The following IL36B variants were observed in gnomAD, a reference collection of about 807,000 sequenced individuals.
The protein encoded by IL36B is interleukin 36 beta, also known as interleukin-36 beta.
In IL36B, 23 loss-of-function variants were observed where a neutral mutation model predicts 19.3. That is an observed-to-expected ratio of 1.19 (90% CI 0.86 to 1.69). IL36B has a LOEUF of 1.69. Ranked by LOEUF, IL36B falls within the 40% of genes most tolerant of loss-of-function variation. The pLI is 0.00. For missense variants in IL36B, 217 were observed against 200.5 expected, an observed-to-expected ratio of 1.08 and a Z score of -0.50; for synonymous variants, 59 against 59.7, an observed-to-expected ratio of 0.99 and a Z score of 0.05.
At chr2:113,040,496 C>T (rs756598899) in intron 1 of IL36B, among the ~76,000 whole-genome samples, 3 of 152,084 alleles carry the variant, frequency 2.0e-5, no homozygotes, top group Non-Finnish European at 4.4e-5. Context: ...TATAGAAAAT[C>T]CTAAGAAATC....
At chr2:113,039,010 T>C (rs1380551762) in intron 1 of IL36B, among the ~76,000 whole-genome samples, 1 of 152,162 alleles carries the variant, frequency 6.6e-6, no homozygotes, top group African/African-American at 2.4e-5. Context: ...TGAAGGCAAG[T>C]CGTCGTGGGT....
At chr2:113,027,832 T>C in intron 4 of IL36B, 1 of 1,579,114 alleles carries the variant, frequency 6.3e-7, no homozygotes, top group East Asian at 2.3e-5. Flanking sequence ...AGTCGCATAA[T>C]GATCTGTTAA....
rs185267496 is a variant in IL36B at position 113,046,236 on chromosome 2, G to A, written c.-58+6581C>T. Among the ~76,000 whole-genome samples, 832 of 140,790 alleles carry A rather than the reference G, an allele frequency of 5.9e-3. 8 individuals are homozygous for A. The highest frequency in any genetic ancestry group is 0.022 in the African/African-American group (777 of 35,988). The allele number at this position is 140,790 out of a possible 152,430, so 92.4% of individuals were successfully genotyped here. A position where few individuals can be genotyped will look rare whatever the true frequency, so the allele number is the denominator to read the frequency against. The stretch of plus-strand genomic sequence containing the variant: ...TTTTTTTTTTTTTTTTTGAGACGGA[G>A]TCTGGCTCTGTCACCCAGGCTGGAG... On this transcript the variant is annotated intron_variant, in intron 1 of 5. Coordinates refer to ENST00000259213, the MANE Select transcript of IL36B (RefSeq NM_014438.5).
At chr2:113,028,901 A>G in intron 4 of IL36B, 38 bp downstream of exon 4, 1 of 1,601,920 alleles carries the variant, frequency 6.2e-7, no homozygotes, top group Non-Finnish European at 8.5e-7. Flanking sequence ...GAAAGTCCAT[A>G]TGACAGTACT....
chr2:113,032,592 T>G (rs1490670085), intron 1 of IL36B, among the ~76,000 whole-genome samples: 1 of 152,126 alleles, frequency 6.6e-6, no homozygotes, highest in African/African-American at 2.4e-5. Flanking sequence ...CAGAGGCACT[T>G]CGAGGCTAAA....
At chr2:113,024,528 T>C (rs1684918246) in intron 5 of IL36B, among the ~76,000 whole-genome samples, 1 of 152,178 alleles carries the variant, frequency 6.6e-6, no homozygotes, top group Non-Finnish European at 1.5e-5. Flanking sequence ...CTCCTGTGGT[T>C]CTTAGATTTA....
chr2:113,030,523 G>A (rs17042709), intron 3 of IL36B, among the ~76,000 whole-genome samples: 22,845 of 152,210 alleles, frequency 0.15, 1,889 homozygotes, highest in East Asian at 0.25. Flanking sequence ...GACAATGATA[G>A]AAAGGGTCCA....
intron 1 of IL36B, among the ~76,000 whole-genome samples, chr2:113,035,756 T>C (rs952534758): frequency 6.6e-6 from 1 of 152,098 alleles, no homozygotes; most frequent in African/African-American, 2.4e-5. Flanking sequence ...CCAAGAGTCA[T>C]GGAATAATGG....
chr2:113,047,124 G>A (rs1280629342), intron 1 of IL36B, among the ~76,000 whole-genome samples: 4 of 152,176 alleles, frequency 2.6e-5, no homozygotes, highest in Admixed American at 2.6e-4. Flanking sequence ...GCCATTGGAA[G>A]CACTTTTATT....
In IL36B at chr2:113,031,754, GGTGGT is replaced by G; in HGVS notation, c.-50_-46del. The G allele has an allele frequency of 6.5e-7, 1 of 1,532,860 alleles. No homozygotes were observed. The highest frequency in any genetic ancestry group is 1.7e-5 in the Admixed American group (1 of 59,620). The allele number at this position is 1,532,860 out of a possible 1,614,324, so 95.0% of individuals were successfully genotyped here. ...GTGAAGAGAACAAGATAGATCAGAT[GGTGGT>G]GAGGAGGCTGTTAACAGTTGGCCAT... On this transcript the variant is annotated 5_prime_UTR_variant, in exon 2 of 6. Coordinates refer to ENST00000259213, the MANE Select transcript of IL36B (RefSeq NM_014438.5).
At chr2:113,031,193 T>A (rs1685068617) in intron 2 of IL36B, 38 bp from the exon 3 acceptor site, 1 of 1,426,506 alleles carries the variant, frequency 7.0e-7, no homozygotes, top group Non-Finnish European at 9.9e-7. Context: ...ACACGTGAGG[T>A]TATCAACTTC....
chr2:113,029,028 T>C lies in IL36B; in HGVS notation c.172A>G (p.Lys58Glu). 6.2e-7 allele frequency: 1 copy of C among 1,613,938 alleles called. No individual in the cohort carries two copies. Among genetic ancestry groups the C allele is most frequent in the South Asian group, 1.1e-5 (1 of 91,046 alleles). The change falls in exon 4 of 6, where the codon AAG (lysine) becomes GAG (glutamate). Residue 58 changes from lysine (K) to glutamate (E), a missense_variant. Coordinates refer to ENST00000259213, the MANE Select transcript of IL36B (RefSeq NM_014438.5). Reference sequence around the variant, plus strand: ...ATTCCCAGGTAAACCATATTACCCTTTTCCTTGTCACTGAATTCTGTGTCT... The same window carrying C: ...ATTCCCAGGTAAACCATATTACCCTCTTCCTTGTCACTGAATTCTGTGTCT...
In IL36B at chr2:113,022,654, G is replaced by A. The variant is rs1286397103; in HGVS notation, c.*20C>T. 1 of 1,429,354 alleles carries A rather than the reference G, an allele frequency of 7.0e-7. No individual in the cohort carries two copies. Among genetic ancestry groups the A allele is most frequent in the South Asian group, 1.1e-5 (1 of 87,250 alleles). The allele number at this position is 1,429,354 out of a possible 1,614,324, so 88.5% of individuals were successfully genotyped here. On this transcript the variant is annotated 3_prime_UTR_variant, in exon 6 of 6. Transcript: ENST00000259213. ...ACCCACTCAAAGATTGTAGAGATGG[G>A]AATCTTCCTCCCCTTATTTCTACAT...
chr2:113,028,973 G>A lies in IL36B; in HGVS notation c.227C>T (p.Ala76Val). Residue 76 changes from alanine (A) to valine (V), a missense_variant, in exon 4 of 6, where the codon GCA (alanine) becomes GTA (valine). Ala to Val is a moderately conservative substitution (Grantham distance 64). Coordinates refer to ENST00000259213, the MANE Select transcript of IL36B (RefSeq NM_014438.5). ...CAAAGTAGGCTTGCCCTGAATTTCT[G>A]CACAGAAGAGACAGAGATCTTTTCC... is the stretch of plus-strand genomic sequence containing the variant. 6.2e-7 allele frequency: 1 copy of A among 1,614,120 alleles called. No homozygotes were observed. Among genetic ancestry groups the A allele is most frequent in the South Asian group, 1.1e-5 (1 of 91,058 alleles).
chr2:113,034,024 G>A (rs983113121), intron 1 of IL36B, among the ~76,000 whole-genome samples: 5 of 152,200 alleles, frequency 3.3e-5, no homozygotes, highest in Non-Finnish European at 5.9e-5. Context: ...AGAGTCAGAT[G>A]TCCACCTAGC....
At chr2:113,031,644 T>A in intron 2 of IL36B, 53 bp downstream of exon 2, 1 of 1,500,574 alleles carries the variant, frequency 6.7e-7, no homozygotes, top group Non-Finnish European at 9.3e-7. Context: ...CCTATTGTCT[T>A]TGATGAGGTC....
intron 1 of IL36B, among the ~76,000 whole-genome samples, chr2:113,038,986 C>A (rs943121600): frequency 6.6e-6 from 1 of 152,174 alleles, no homozygotes; most frequent in Non-Finnish European, 1.5e-5. Context: ...TCCCATGTCC[C>A]TTTCTCACCA....
intron 5 of IL36B, among the ~76,000 whole-genome samples, chr2:113,025,809 G>T (rs550300045): frequency 4.5e-4 from 68 of 152,178 alleles, no homozygotes; most frequent in Non-Finnish European, 7.5e-4. Flanking sequence ...GGCTAGTTGA[G>T]AAAAGAAGTT....
In IL36B at chr2:113,026,178, T is replaced by C; in HGVS notation, c.316A>G (p.Ile106Val). ...ACATCCAGGTTTATGCATGTGTGAA[T>C]TCCAACTAGTTTCCAGCAAGTGTCC... Residue 106 changes from isoleucine to valine, a missense_variant, in exon 5 of 6, where the codon ATT (isoleucine) becomes GTT (valine). Physicochemically the swap from Ile to Val is conservative, Grantham distance 29. Transcript: ENST00000259213. 6.2e-7 allele frequency: 1 copy of C among 1,613,966 alleles called. No individual in the cohort carries two copies. The highest frequency in any genetic ancestry group is 8.5e-7 in the Non-Finnish European group (1 of 1,179,860).
Sources: allele counts gnomAD v4.1 joint callset (sites outside exome capture counted in the v4.1 genomes callset), GRCh38; gene constraint gnomAD v4.1.1; transcripts MANE v1.5; gene names NCBI Gene and HGNC (gene_info 2026-07-23, HGNC 2026-07-21).